The following PLEKHA5 variants were observed in gnomAD, a reference collection of about 807,000 sequenced individuals.
PLEKHA5 encodes the protein pleckstrin homology domain-containing family A member 5.
In PLEKHA5, 55 loss-of-function variants were observed where a neutral mutation model predicts 181.9. That is an observed-to-expected ratio of 0.30 (90% CI 0.24 to 0.38). The LOEUF (loss-of-function observed/expected upper bound fraction) is 0.38, where lower values mean the gene tolerates loss of function less well. Ranked by LOEUF, PLEKHA5 falls within the 10% of genes least tolerant of loss-of-function variation. The pLI is 1.00. For synonymous variants in PLEKHA5, 535 were observed against 529.4 expected, an observed-to-expected ratio of 1.01 and a Z score of -0.15; for missense variants, 1,432 against 1,549.5, an observed-to-expected ratio of 0.92 and a Z score of 1.27.
chr12:19,331,864 G>T (rs531363011), intron 20 of PLEKHA5, among the ~76,000 whole-genome samples: 1 of 152,186 alleles, frequency 6.6e-6, no homozygotes, highest in African/African-American at 2.4e-5. Flanking sequence ...GTTTACAGAA[G>T]ATTAAAAAAC....
intron 3 of PLEKHA5, among the ~76,000 whole-genome samples, chr12:19,227,642 C>A (rs991382430): frequency 6.6e-6 from 1 of 152,172 alleles, no homozygotes; most frequent in Non-Finnish European, 1.5e-5. Flanking sequence ...GGTCCCCCAC[C>A]TCATTGGCTG....
chr12:19,163,312 G>C (rs1054860753), intron 3 of PLEKHA5, among the ~76,000 whole-genome samples: 2 of 152,042 alleles, frequency 1.3e-5, no homozygotes, highest in Non-Finnish European at 2.9e-5. Flanking sequence ...TAGTAGCTGG[G>C]ACTACAGGCG....
chr12:19,248,157 A>G (rs996879927), intron 3 of PLEKHA5, among the ~76,000 whole-genome samples: 2 of 152,154 alleles, frequency 1.3e-5, no homozygotes, highest in African/African-American at 4.8e-5. Context: ...TGGGAGGTTG[A>G]GGCTGCAGAG....
chr12:19,287,431 A>G, intron 12 of PLEKHA5, 42 bp from the exon 13 acceptor site: 1 of 1,245,860 alleles, frequency 8.0e-7, no homozygotes, highest in Non-Finnish European at 1.2e-6. Flanking sequence ...TAAGAAAAAA[A>G]AAACTTTACC....
intron 27 of PLEKHA5, 95 bp from the exon 28 acceptor site, chr12:19,359,317 A>C (rs1336060636): frequency 9.2e-7 from 1 of 1,082,540 alleles, no homozygotes; most frequent in Non-Finnish European, 1.3e-6. Context: ...GTGGAGATCC[A>C]GCTTTGTTCT....
chr12:19,193,000 A>G (rs564564721), intron 3 of PLEKHA5, among the ~76,000 whole-genome samples: 2 of 152,320 alleles, frequency 1.3e-5, no homozygotes, highest in South Asian at 2.1e-4. Flanking sequence ...AGCAAAGTTG[A>G]TAGTTTTGAC....
intron 3 of PLEKHA5, among the ~76,000 whole-genome samples, chr12:19,159,904 A>G (rs921375781): frequency 1.3e-5 from 2 of 152,152 alleles, no homozygotes; most frequent in African/African-American, 2.4e-5. Flanking sequence ...ATAATTATAT[A>G]TAATTGGCAA....
At chr12:19,266,946 A>G (rs1057447193) in intron 8 of PLEKHA5, among the ~76,000 whole-genome samples, 5 of 152,172 alleles carry the variant, frequency 3.3e-5, no homozygotes, top group Non-Finnish European at 7.3e-5. Flanking sequence ...TACAGAGAAC[A>G]CTGAAGTCAG....
chr12:19,270,240 A>G, intron 10 of PLEKHA5, 35 bp downstream of exon 10: 1 of 1,208,130 alleles, frequency 8.3e-7, no homozygotes, highest in Non-Finnish European at 1.1e-6. Flanking sequence ...TTAAAGCTAC[A>G]CAGATTTTTA....
intron 15 of PLEKHA5, among the ~76,000 whole-genome samples, chr12:19,311,708 C>T (rs1274275538): frequency 1.3e-5 from 2 of 152,126 alleles, no homozygotes; most frequent in Admixed American, 1.3e-4. Flanking sequence ...TTATTTCCAC[C>T]ACATCTGCAG....
At chr12:19,285,960 A>G (rs560187090) in intron 12 of PLEKHA5, among the ~76,000 whole-genome samples, 2 of 152,356 alleles carry the variant, frequency 1.3e-5, no homozygotes, top group South Asian at 2.1e-4. Context: ...ACAACTGTCA[A>G]TATTCAGACG....
At chr12:19,213,676 A>T (rs374398171) in intron 3 of PLEKHA5, among the ~76,000 whole-genome samples, 180 of 152,278 alleles carry the variant, frequency 1.2e-3, no homozygotes, top group Middle Eastern at 3.4e-3. Context: ...TACAGTTGAA[A>T]ATGGGACAAG....
chr12:19,309,084 A>G (rs1188566654), intron 15 of PLEKHA5, among the ~76,000 whole-genome samples: 1 of 152,034 alleles, frequency 6.6e-6, no homozygotes, highest in East Asian at 1.9e-4. Flanking sequence ...AAAAAGAGAA[A>G]AGAAATAGAT....
chr12:19,153,428 CAAGTTAAT>C (rs2040928252), intron 3 of PLEKHA5: 1 of 151,828 alleles, frequency 6.6e-6, no homozygotes, highest in Admixed American at 6.6e-5. Flanking sequence ...CTCTTTTTTC[CAAGTTAAT>C]AAAGTTTGTA....
At chr12:19,263,694 G>A (rs16915280) in intron 7 of PLEKHA5, among the ~76,000 whole-genome samples, 25,926 of 152,062 alleles carry the variant, frequency 0.17, 2,239 homozygotes, top group African/African-American at 0.21. Context: ...AGATTCTTAC[G>A]GCTCTTGTCC....
At chr12:19,246,959 A>G (rs1173160768) in intron 3 of PLEKHA5, among the ~76,000 whole-genome samples, 2 of 151,148 alleles carry the variant, frequency 1.3e-5, no homozygotes, top group African/African-American at 4.9e-5. Flanking sequence ...TTAACAAACA[A>G]GTTTTTTTTC....
rs548186889 is a variant in PLEKHA5 at position 19,281,800 on chromosome 12, G to A, written c.1314-1480G>A. Among the ~76,000 whole-genome samples, 18 of 135,912 alleles carry A rather than the reference G, an allele frequency of 1.3e-4. No individual in the cohort carries two copies. The South Asian group carries it at 1.7e-3, about 13-fold the overall frequency. The allele number at this position is 135,912 out of a possible 152,430, so 89.2% of individuals were successfully genotyped here. On this transcript the variant is annotated intron_variant, in intron 11 of 31. Transcript: ENST00000429027. Reference sequence around the variant, plus strand: ...TTGTTGTTGTTGTTGTTGTTGTTTTGAGATGGAGTCTCACTCTGTCGCCCA... The same window carrying A: ...TTGTTGTTGTTGTTGTTGTTGTTTTAAGATGGAGTCTCACTCTGTCGCCCA...
In PLEKHA5 at chr12:19,345,901, T is replaced by C; in HGVS notation, c.2709+13T>C. The C allele has an allele frequency of 7.4e-7, 1 of 1,348,616 alleles. No homozygotes were observed. The highest frequency in any genetic ancestry group is 1.1e-6 in the Non-Finnish European group (1 of 947,210). The allele number at this position is 1,348,616 out of a possible 1,614,324, so 83.5% of individuals were successfully genotyped here. On this transcript the variant is annotated intron_variant, in intron 23 of 31. Coordinates refer to ENST00000429027, the MANE Select transcript of PLEKHA5 (RefSeq NM_001256470.2). ...GTACAAAAATGAGGTAAGTTTGGAT[T>C]GTTTTTCTAATTATAAATTACTTTT...
intron 15 of PLEKHA5, among the ~76,000 whole-genome samples, chr12:19,293,783 C>T (rs1390784684): frequency 6.6e-6 from 1 of 152,144 alleles, no homozygotes; most frequent in African/African-American, 2.4e-5. Context: ...CTAAGATGCC[C>T]TTCCTCAATC....
Sources: allele counts gnomAD v4.1 joint callset (sites outside exome capture counted in the v4.1 genomes callset), GRCh38; gene constraint gnomAD v4.1.1; transcripts MANE v1.5; gene names NCBI Gene and HGNC (gene_info 2026-07-23, HGNC 2026-07-21).